Variants in ATP2B4 observed in about 807,000 individuals in gnomAD.
ATP2B4 encodes plasma membrane calcium-transporting ATPase 4.
In ATP2B4, 39 loss-of-function variants were observed where a neutral mutation model predicts 110.3. The observed-to-expected ratio is 0.35, with a 90% CI of 0.27 to 0.46. ATP2B4 has a LOEUF of 0.46. Among genes scored for constraint, ATP2B4 ranks in the 20% least tolerant of loss-of-function variants. The pLI is 1.00. For missense variants in ATP2B4, 1,135 were observed against 1,530.9 expected (o/e 0.74, Z 4.32); for synonymous variants, 538 against 571.7 (o/e 0.94, Z 0.84).
chr1:203,643,688 TTCTCAGGGATGGCA>T (rs1354570255), intron 1 of ATP2B4, among the ~76,000 whole-genome samples: 2 of 152,210 alleles, frequency 1.3e-5, no homozygotes, highest in African/African-American at 4.8e-5. Context: ...CCCTCCCAGT[TTCTCAGGGATGGCA>T]TCCAATGATG....
At chr1:203,719,466 T>C (rs1443424390) in intron 15 of ATP2B4, among the ~76,000 whole-genome samples, 5 of 151,950 alleles carry the variant, frequency 3.3e-5, no homozygotes, top group Non-Finnish European at 7.4e-5. Flanking sequence ...TCCCAGCACT[T>C]TGGGAGGCCA....
At chr1:203,666,934 C>A (rs937257330) in intron 1 of ATP2B4, among the ~76,000 whole-genome samples, 1 of 152,158 alleles carries the variant, frequency 6.6e-6, no homozygotes, top group Admixed American at 6.6e-5. Flanking sequence ...ATTGTGAGCT[C>A]TCTAGCACCT....
At chr1:203,688,508 C>T (rs1455813067) in intron 2 of ATP2B4, among the ~76,000 whole-genome samples, 1 of 151,656 alleles carries the variant, frequency 6.6e-6, no homozygotes, top group Non-Finnish European at 1.5e-5. Flanking sequence ...CTCCATGTTG[C>T]CCAGGGTGGT....
intron 1 of ATP2B4, chr1:203,657,651 G>C: frequency 1.2e-6 from 1 of 828,394 alleles, no homozygotes; most frequent in South Asian, 1.3e-5. Context: ...ACGTTCATGA[G>C]CCTCTCGTTC....
chr1:203,678,815 G>T (rs906119597), intron 1 of ATP2B4, among the ~76,000 whole-genome samples: 10 of 152,192 alleles, frequency 6.6e-5, no homozygotes, highest in Admixed American at 5.9e-4. Context: ...CAAGACCACT[G>T]ACTTGCTAAG....
At chr1:203,736,581 A>G (rs1297270035) in intron 20 of ATP2B4, among the ~76,000 whole-genome samples, 1 of 152,124 alleles carries the variant, frequency 6.6e-6, no homozygotes, top group Non-Finnish European at 1.5e-5. Context: ...CTCCTGAGTC[A>G]TGAAAAGAGT....
intron 1 of ATP2B4, among the ~76,000 whole-genome samples, chr1:203,645,634 C>T (rs1280135319): frequency 1.3e-5 from 2 of 150,680 alleles, no homozygotes; most frequent in African/African-American, 4.9e-5. Flanking sequence ...CTCTGTCACC[C>T]AGGCTGGAAT....
rs796887711 is a variant in ATP2B4 at position 203,657,859 on chromosome 1, GT to G, written c.-464-24882del. The G allele has an allele frequency of 5.9e-4, 216 of 369,000 alleles. No homozygotes were observed. In the East Asian group the frequency reaches 0.011, roughly 19 times the overall value. 22.9% of individuals were successfully genotyped at this position (369,000 alleles called of 1,614,324 possible). On this transcript the variant is annotated intron_variant, in intron 1 of 20. Transcript: ENST00000357681. The stretch of plus-strand genomic sequence containing the variant: ...TCCACGCAGGCCGGGACAGGAAAGG[GT>G]CACCCTTTTTTAAAAATATTTGTAG...
intron 1 of ATP2B4, among the ~76,000 whole-genome samples, chr1:203,658,769 G>C (rs7523725): frequency 0.045 from 6,866 of 152,202 alleles, 265 homozygotes; most frequent in East Asian, 0.18. Flanking sequence ...ACTTTGGGAG[G>C]CTGAGGCGGG....
chr1:203,703,701 G>C lies in ATP2B4; in HGVS notation c.987G>C (p.Gln329His). The change falls in exon 8 of 21, where the codon CAG becomes CAC. Residue 329 changes from glutamine (Q) to histidine (H), a missense_variant. Physicochemically the swap from Gln to His is conservative, Grantham distance 24. Around this residue, in one of 9 missense-constraint regions of ATP2B4, gnomAD observed 162 missense variants for 210.5 expected, o/e 0.77. Transcript: ENST00000357681. ...TGGAAATCCAGCCACTCAACAGCCA[G>C]GAGGGAATCGACAATGAGGAAAAGG... ...VALEIQPLNS[Q>H]EGIDNEEKDK... 1 of 1,614,192 alleles carries C rather than the reference G, an allele frequency of 6.2e-7. No homozygotes were observed. Among genetic ancestry groups the C allele is most frequent in the South Asian group, 1.1e-5 (1 of 91,086 alleles).
At chr1:203,728,653 T>A (rs1232593895) in intron 20 of ATP2B4, among the ~76,000 whole-genome samples, 2 of 141,562 alleles carry the variant, frequency 1.4e-5, no homozygotes, top group African/African-American at 2.7e-5. Flanking sequence ...AGGTCGGGAG[T>A]TCAAGACCAG....
chr1:203,638,605 A>G (rs1024258662), intron 1 of ATP2B4, among the ~76,000 whole-genome samples: 2 of 152,122 alleles, frequency 1.3e-5, no homozygotes, highest in African/African-American at 2.4e-5. Context: ...ACACTGGGTT[A>G]GTTTGAGGCA....
At chr1:203,689,476 A>G (rs1392864003) in intron 2 of ATP2B4, among the ~76,000 whole-genome samples, 1 of 152,194 alleles carries the variant, frequency 6.6e-6, no homozygotes, top group Non-Finnish European at 1.5e-5. Context: ...ATAAACAGCA[A>G]ATTATTAACT....
intron 1 of ATP2B4, among the ~76,000 whole-genome samples, chr1:203,658,205 C>T (rs1664224140): frequency 6.6e-6 from 1 of 151,934 alleles, no homozygotes; most frequent in Non-Finnish European, 1.5e-5. Context: ...TATGCCTGTA[C>T]TAAAAGGAAA....
chr1:203,666,669 A>G (rs1422487671), intron 1 of ATP2B4, among the ~76,000 whole-genome samples: 9 of 152,078 alleles, frequency 5.9e-5, no homozygotes, highest in Non-Finnish European at 1.2e-4. Flanking sequence ...CTCTCTCCCT[A>G]TGCTCACCAG....
chr1:203,721,654 C>CTTTTTTTTTTTTTTTT (rs940034577), intron 17 of ATP2B4, among the ~76,000 whole-genome samples: 1 of 116,620 alleles, frequency 8.6e-6, no homozygotes, highest in African/African-American at 3.4e-5. Flanking sequence ...TTCTTTCTTT[C>CTTTTTTTTTTTTTTTT]TTTTTTTTTT....
At chr1:203,641,719 C>T (rs1663636238) in intron 1 of ATP2B4, among the ~76,000 whole-genome samples, 2 of 152,122 alleles carry the variant, frequency 1.3e-5, no homozygotes, top group Admixed American at 6.5e-5. Context: ...ATAGCTTGCC[C>T]AGAGATCATC....
chr1:203,669,210 G>T (rs1203787075), intron 1 of ATP2B4, among the ~76,000 whole-genome samples: 1 of 152,170 alleles, frequency 6.6e-6, no homozygotes, highest in Non-Finnish European at 1.5e-5. Flanking sequence ...AGAGTAGATG[G>T]ATTCCTTCAG....
intron 19 of ATP2B4, among the ~76,000 whole-genome samples, chr1:203,725,439 G>A (rs182588915): frequency 1.4e-4 from 21 of 152,248 alleles, no homozygotes; most frequent in African/African-American, 4.3e-4. Context: ...CTGAGCCACC[G>A]TGCCCAGCCT....
Sources: allele counts gnomAD v4.1 joint callset (sites outside exome capture counted in the v4.1 genomes callset), GRCh38; gene constraint gnomAD v4.1.1; regional missense constraint gnomAD v4.1.1; transcripts MANE v1.5; gene names NCBI Gene and HGNC (gene_info 2026-07-23, HGNC 2026-07-21).